Variants in MTSS1 observed in about 807,000 individuals in gnomAD.
The protein encoded by MTSS1 is protein MTSS 1.
Under a neutral mutation model 79.0 loss-of-function variants are expected in MTSS1, and 18 were observed. That is an observed-to-expected ratio of 0.23 (90% confidence interval 0.16 to 0.34). The LOEUF (loss-of-function observed/expected upper bound fraction) is 0.34, where lower values mean the gene tolerates loss of function less well. Among genes scored for constraint, MTSS1 ranks in the 10% least tolerant of loss-of-function variants. The probability of loss-of-function intolerance (pLI) is 1.00; values close to 1 mark genes in which losing one functional copy is unlikely to be tolerated. For synonymous variants in MTSS1, 341 were observed against 368.6 expected, an observed-to-expected ratio of 0.93 and a Z score of 0.86; for missense variants, 815 against 986.2, an observed-to-expected ratio of 0.83 and a Z score of 2.33.
chr8:124,682,692 C>T (rs1826320542), intron 3 of MTSS1, among the ~76,000 whole-genome samples: 1 of 152,186 alleles, frequency 6.6e-6, no homozygotes, highest in African/African-American at 2.4e-5. Context: ...GCAAGGCCAG[C>T]TCAGGGCAGC....
chr8:124,724,535 C>A (rs1035790729), intron 1 of MTSS1, among the ~76,000 whole-genome samples: 1 of 152,202 alleles, frequency 6.6e-6, no homozygotes, highest in Non-Finnish European at 1.5e-5. Flanking sequence ...TCTCGACATG[C>A]TGATTCTTGA....
intron 3 of MTSS1, among the ~76,000 whole-genome samples, chr8:124,668,157 C>T (rs916514037): frequency 1.3e-5 from 2 of 152,132 alleles, no homozygotes; most frequent in African/African-American, 2.4e-5. Context: ...CCAACAGGCC[C>T]GGCCAGCAAC....
chr8:124,591,598 G>T (rs2132697586), intron 3 of MTSS1, among the ~76,000 whole-genome samples: 1 of 152,278 alleles, frequency 6.6e-6, no homozygotes, highest in Non-Finnish European at 1.5e-5. Context: ...TCTCATGAAA[G>T]ATAATCAATA....
chr8:124,670,910 G>C (rs1824048212), intron 3 of MTSS1, among the ~76,000 whole-genome samples: 1 of 152,082 alleles, frequency 6.6e-6, no homozygotes, highest in African/African-American at 2.4e-5. Context: ...AGTGCCAAAA[G>C]GCCAGGTCAA....
intron 2 of MTSS1, among the ~76,000 whole-genome samples, chr8:124,703,748 C>A: frequency 6.6e-6 from 1 of 152,170 alleles, no homozygotes; most frequent in South Asian, 2.1e-4. Flanking sequence ...GCCTCAGTTT[C>A]CTCATCAGTA....
intron 13 of MTSS1, among the ~76,000 whole-genome samples, chr8:124,555,499 G>C (rs1227584442): frequency 6.6e-6 from 1 of 152,130 alleles, no homozygotes; most frequent in African/African-American, 2.4e-5. Flanking sequence ...ACCTGCCTTG[G>C]CCTCCCAAAG....
chr8:124,674,003 T>C (rs1824798273), intron 3 of MTSS1, among the ~76,000 whole-genome samples: 1 of 152,150 alleles, frequency 6.6e-6, no homozygotes, highest in Non-Finnish European at 1.5e-5. Flanking sequence ...TGCAGCATGA[T>C]CCAGGGTGGA....
intron 1 of MTSS1, among the ~76,000 whole-genome samples, chr8:124,723,898 G>C (rs972074417): frequency 6.6e-6 from 1 of 152,172 alleles, no homozygotes; most frequent in Non-Finnish European, 1.5e-5. Context: ...CTGTCCTGGA[G>C]AAAACTTTTT....
At chr8:124,580,575 C>T (rs1046330834) in intron 6 of MTSS1, 2 of 1,535,538 alleles carry the variant, frequency 1.3e-6, no homozygotes, top group African/African-American at 1.4e-5. Context: ...GGCGGGGGGG[C>T]ACACGGTGAG....
chr8:124,689,746 CAAAAAAAAAA>C (rs35782850), intron 3 of MTSS1, among the ~76,000 whole-genome samples: 1 of 94,332 alleles, frequency 1.1e-5, no homozygotes, highest in Non-Finnish European at 2.2e-5. Context: ...AACTCCATCT[CAAAAAAAAAA>C]AAAAAAAAAA....
At chr8:124,615,314 C>T (rs58117126) in intron 3 of MTSS1, among the ~76,000 whole-genome samples, 1 of 151,594 alleles carries the variant, frequency 6.6e-6, no homozygotes, top group Non-Finnish European at 1.5e-5. Flanking sequence ...GATGTGGCCA[C>T]GAGGTGGAAG....
At position 124,648,716 on chromosome 8, in the gene MTSS1, C is replaced by A. The variant is rs191897602; in HGVS notation, c.208+50810G>T. On this transcript the variant is annotated intron_variant, in intron 3 of 13. Coordinates refer to ENST00000518547, the MANE Select transcript of MTSS1 (RefSeq NM_014751.6). ...TCTTCATCCCAAATAGCAGCCCCCC[C>A]CCAGATACTGACCAGACGGTGTTCC... Among the ~76,000 whole-genome samples, 408 of 151,844 alleles carry A rather than the reference C, an allele frequency of 2.7e-3. 1 individual carries two copies. The highest frequency in any genetic ancestry group is 0.02 in the Middle Eastern group (6 of 294).
intron 13 of MTSS1, among the ~76,000 whole-genome samples, chr8:124,554,297 T>G (rs1206117738): frequency 6.6e-6 from 1 of 152,166 alleles, no homozygotes; most frequent in African/African-American, 2.4e-5. Context: ...ATTGATAATT[T>G]GGGCTGGATA....
At chr8:124,655,078 C>T (rs1820696383) in intron 3 of MTSS1, among the ~76,000 whole-genome samples, 1 of 152,236 alleles carries the variant, frequency 6.6e-6, no homozygotes, top group South Asian at 2.1e-4. Context: ...CTCTAGCCCC[C>T]TAAACAGCAG....
intron 3 of MTSS1, among the ~76,000 whole-genome samples, chr8:124,651,468 G>T (rs11783312): frequency 6.5e-4 from 98 of 151,626 alleles, no homozygotes; most frequent in African/African-American, 1.1e-3. Flanking sequence ...TTTTGGTGGG[G>T]GGGGAGGGGC....
intron 6 of MTSS1, among the ~76,000 whole-genome samples, chr8:124,574,554 G>C (rs1421532081): frequency 6.6e-6 from 1 of 152,102 alleles, no homozygotes; most frequent in East Asian, 1.9e-4. Flanking sequence ...ATGAATGCTG[G>C]GAACAAGCTG....
intron 3 of MTSS1, among the ~76,000 whole-genome samples, chr8:124,660,472 A>ACACC (rs60473926): frequency 1.3e-4 from 18 of 143,698 alleles, no homozygotes; most frequent in Admixed American, 2.7e-4. Context: ...ACACACACAC[A>ACACC]CCCTCAAGCT....
chr8:124,631,941 T>C (rs1816037735), intron 3 of MTSS1, among the ~76,000 whole-genome samples: 2 of 152,220 alleles, frequency 1.3e-5, no homozygotes, highest in South Asian at 4.1e-4. Context: ...ATGGTGGTTG[T>C]GTCATTTGGT....
intron 3 of MTSS1, among the ~76,000 whole-genome samples, chr8:124,653,795 A>C (rs551343730): frequency 6.6e-6 from 1 of 152,354 alleles, no homozygotes; most frequent in South Asian, 2.1e-4. Flanking sequence ...GCATAAAAAT[A>C]TCTCCCTTTT....
Sources: gnomAD v4.1 joint callset for allele counts (sites outside exome capture counted in the v4.1 genomes callset) on GRCh38, gnomAD v4.1.1 for gene constraint, MANE v1.5 for transcripts, NCBI Gene and HGNC (gene_info 2026-07-23, HGNC 2026-07-21) for gene names.